UNC79: variants seen among roughly 807,000 people sequenced by gnomAD.
UNC79 encodes the protein unc-79 subunit of NALCN channel complex.
UNC79 carries 37 observed loss-of-function variants against 283.1 expected under a neutral mutation model. The observed-to-expected ratio is 0.13, with a 90% CI of 0.10 to 0.17. UNC79 has a LOEUF of 0.17. UNC79 is among the 10% of genes least tolerant of loss of function. The pLI is 1.00. For missense variants in UNC79, 2,272 were observed against 3,211.1 expected, an observed-to-expected ratio of 0.71 and a Z score of 7.07; for synonymous variants, 1,107 against 1,200.2, an observed-to-expected ratio of 0.92 and a Z score of 1.61.
chr14:93,690,261 C>A lies in UNC79; in HGVS notation c.7230C>A (p.Asp2410Glu). Reference sequence around the variant, plus strand: ...TGGATGCAGGCTCCCACGTTGCAGACCATCTTATTGTTATCCTGATTGGAT... The same window carrying A: ...TGGATGCAGGCTCCCACGTTGCAGAACATCTTATTGTTATCCTGATTGGAT... The change falls in exon 45 of 49, where the codon GAC (aspartate) becomes GAA (glutamate). Residue 2410 changes from aspartate (D) to glutamate (E), a missense_variant. Asp to Glu is a conservative substitution (Grantham distance 45, BLOSUM62 2). Transcript: ENST00000555664. This position sits in a 1 kb window ranked among gnomAD's most constrained non-coding sequence, Gnocchi z 4.3. The A allele has an allele frequency of 6.2e-7, 1 of 1,614,160 alleles. No individual in the cohort carries two copies. Among genetic ancestry groups the A allele is most frequent in the Non-Finnish European group, 8.5e-7 (1 of 1,180,022 alleles).
chr14:93,657,192 T>G (rs575568887), intron 38 of UNC79, among the ~76,000 whole-genome samples: 2 of 152,186 alleles, frequency 1.3e-5, no homozygotes, highest in East Asian at 3.9e-4. Context: ...GTTAGTACTT[T>G]GAAACTGTGT....
chr14:93,688,576 G>A lies in UNC79; in HGVS notation c.6910-89G>A. On this transcript the variant is annotated intron_variant, in intron 43 of 48. Transcript: ENST00000555664. The surrounding 1 kb of genome is among the most constrained non-coding windows in gnomAD (Gnocchi z 4.0). ...TTTGCTCAGAGTGGCGATAAGCGGGGTGGAAATGACAACCTCTTCTTTTCA... is the reference window on the plus strand; with the variant it reads ...TTTGCTCAGAGTGGCGATAAGCGGGATGGAAATGACAACCTCTTCTTTTCA... 6.9e-7 allele frequency: 1 copy of A among 1,447,460 alleles called. No individual in the cohort carries two copies. Among genetic ancestry groups the A allele is most frequent in the East Asian group, 2.3e-5 (1 of 43,168 alleles). The allele number at this position is 1,447,460 out of a possible 1,614,324, so 89.7% of individuals were successfully genotyped here. A position where few individuals can be genotyped will look rare whatever the true frequency, so the allele number is the denominator to read the frequency against.
intron 33 of UNC79, 121 bp downstream of exon 36, chr14:93,641,368 A>G (rs927979938): frequency 4.9e-5 from 44 of 902,754 alleles, no homozygotes; most frequent in Non-Finnish European, 7.1e-5. Context: ...TTCCTCCAGT[A>G]TATTGCCTGG....
intron 14 of UNC79, among the ~76,000 whole-genome samples, chr14:93,550,938 G>T (rs1420974725): frequency 6.6e-6 from 1 of 152,178 alleles, no homozygotes; most frequent in East Asian, 1.9e-4. Flanking sequence ...TTTATTTTCA[G>T]GACTTGTTCT....
intron 1 of UNC79, among the ~76,000 whole-genome samples, chr14:93,382,148 A>C (rs2054677712): frequency 6.6e-6 from 1 of 152,208 alleles, no homozygotes; most frequent in African/African-American, 2.4e-5. Context: ...CAAGGTATGT[A>C]ATAGATGTGC....
intron 7 of UNC79, among the ~76,000 whole-genome samples, chr14:93,507,328 C>A (rs2059596175): frequency 6.6e-6 from 1 of 152,174 alleles, no homozygotes; most frequent in African/African-American, 2.4e-5. Flanking sequence ...AGTGTTTATG[C>A]CATTTTACAT....
intron 1 of UNC79, among the ~76,000 whole-genome samples, chr14:93,369,691 C>T (rs2054404092): frequency 6.6e-6 from 1 of 152,180 alleles, no homozygotes; most frequent in African/African-American, 2.4e-5. Flanking sequence ...CTAGGCAGGT[C>T]GGCCTGGTTA....
At chr14:93,490,740 T>C (rs1171122152) in intron 5 of UNC79, among the ~76,000 whole-genome samples, 1 of 152,242 alleles carries the variant, frequency 6.6e-6, no homozygotes, top group African/African-American at 2.4e-5. Context: ...CTTTTTCTAC[T>C]GCTTTCCTCT....
At position 93,409,762 on chromosome 14, in the gene UNC79, T is replaced by A. The variant is rs543428380; in HGVS notation, c.-350-57909T>A. ...TACATGGAAAGAGACATCATTCCTA[T>A]GAATAAAAACAGTCAAGATATAAAT... On this transcript the variant is annotated intron_variant, in intron 1 of 49. Transcript: ENST00000256339. 1.3e-3 allele frequency among the ~76,000 whole-genome samples: 198 copies of A among 152,328 alleles called. 2 individuals carry two copies. In the South Asian group the frequency reaches 0.013, roughly 10 times the overall value.
At chr14:93,438,990 G>A (rs2056196522) in intron 1 of UNC79, among the ~76,000 whole-genome samples, 1 of 151,864 alleles carries the variant, frequency 6.6e-6, no homozygotes, top group Non-Finnish European at 1.5e-5. Flanking sequence ...TAATTGAGAT[G>A]TATCATTTCT....
intron 32 of UNC79, among the ~76,000 whole-genome samples, chr14:93,638,997 C>T (rs1023979230): frequency 6.6e-6 from 1 of 152,160 alleles, no homozygotes; most frequent in East Asian, 1.9e-4. Context: ...TCATACATTC[C>T]GTGCTGTCAT....
At chr14:93,341,285 C>T (rs893693581) in intron 1 of UNC79, among the ~76,000 whole-genome samples, 12 of 151,794 alleles carry the variant, frequency 7.9e-5, no homozygotes, top group Admixed American at 4.6e-4. Flanking sequence ...GGAGAAACCC[C>T]GTCTCTACTA....
chr14:93,605,912 T>G (rs1046489619), intron 26 of UNC79, among the ~76,000 whole-genome samples: 5 of 152,184 alleles, frequency 3.3e-5, no homozygotes, highest in Non-Finnish European at 7.3e-5. Flanking sequence ...TAGCAAACAT[T>G]TGGTAGAGCC....
rs573994995 is a variant in UNC79, at chr14:93,677,755, T to C, written c.6741+4300T>C. ...ACCTCCACCTCCTGGATTCAAGTGATTCTCCTGTCTCAGCCTCCTGAGTAG... is the reference window on the plus strand; with the variant it reads ...ACCTCCACCTCCTGGATTCAAGTGACTCTCCTGTCTCAGCCTCCTGAGTAG... On this transcript the variant is annotated intron_variant, in intron 41 of 48. Coordinates refer to ENST00000555664, the Ensembl canonical transcript of UNC79. 2.0e-5 allele frequency among the ~76,000 whole-genome samples: 3 copies of C among 152,268 alleles called. No individual in the cohort carries two copies. In the South Asian group the frequency reaches 6.2e-4, roughly 32 times the overall value.
intron 1 of UNC79, among the ~76,000 whole-genome samples, chr14:93,458,415 G>A (rs1334147100): frequency 1.3e-5 from 2 of 152,110 alleles, no homozygotes; most frequent in Non-Finnish European, 2.9e-5. Flanking sequence ...TCCCTCCCAG[G>A]GATCTCTGCA....
chr14:93,506,005 T>G (rs2059518977), intron 7 of UNC79, among the ~76,000 whole-genome samples: 1 of 151,902 alleles, frequency 6.6e-6, no homozygotes, highest in Non-Finnish European at 1.5e-5. Flanking sequence ...ACATAATTAC[T>G]GTTGTTCAGT....
At chr14:93,469,777 G>A (rs991057721) in intron 2 of UNC79, among the ~76,000 whole-genome samples, 1 of 152,134 alleles carries the variant, frequency 6.6e-6, no homozygotes, top group Non-Finnish European at 1.5e-5. Flanking sequence ...AAGCTCCTCA[G>A]AAGCTGAGGG....
chr14:93,653,705 C>T, intron 35 of UNC79, 37 bp from the exon 39 acceptor site: 1 of 1,583,092 alleles, frequency 6.3e-7, no homozygotes, highest in Non-Finnish European at 8.6e-7. Flanking sequence ...CTCACTGGCC[C>T]ATGACTTCGT....
chr14:93,357,266 C>G (rs533222765), intron 1 of UNC79, among the ~76,000 whole-genome samples: 1 of 152,186 alleles, frequency 6.6e-6, no homozygotes, highest in South Asian at 2.1e-4. Context: ...TTTTCTTTAT[C>G]CAGTCCACCA....
Sources: gnomAD v4.1 joint callset for allele counts (sites outside exome capture counted in the v4.1 genomes callset) on GRCh38, gnomAD v4.1.1 for gene constraint, Gnocchi (gnomAD v3.1) non-coding constraint, MANE v1.5 for transcripts, NCBI Gene and HGNC (gene_info 2026-07-23, HGNC 2026-07-21) for gene names.